Variants in SIDT2 observed in about 807,000 individuals in gnomAD.
SIDT2 encodes the protein SID1 transmembrane family member 2.
A neutral mutation model predicts 114.4 loss-of-function variants in SIDT2; 68 were observed. The ratio of observed to expected loss-of-function variants is 0.59; its 90% confidence interval spans 0.49 to 0.73. SIDT2 has a LOEUF of 0.73. SIDT2 is among the 30% of genes least tolerant of loss of function. SIDT2 has a pLI of 0.00. For synonymous variants in SIDT2, 470 were observed against 438.4 expected, an observed-to-expected ratio of 1.07 and a Z score of -0.90; for missense variants, 918 against 1,097.1, an observed-to-expected ratio of 0.84 and a Z score of 2.31.
Position 117,184,074 on chromosome 11 carries a change from A to G in SIDT2, c.803A>G (p.Asp268Gly). The G allele has an allele frequency of 6.2e-7, 1 of 1,614,160 alleles. No individual in the cohort carries two copies. ...TACCACTTTGACATTTTACTTCCAGATGAACCGGTCGATCAAGGGCACCGC... is the reference window on the plus strand; with the variant it reads ...TACCACTTTGACATTTTACTTCCAGGTGAACCGGTCGATCAAGGGCACCGC... Reference protein sequence around the residue: ...GSLPFYPFAEDEPVDQGHRQK... With the variant: ...GSLPFYPFAEGEPVDQGHRQK... The change falls in exon 8 of 26, where the codon GAT becomes GGT. Residue 268 changes from aspartate (D) to glycine (G), a missense_variant and splice_region_variant. Around this residue, in one of 4 missense-constraint regions of SIDT2, gnomAD observed 553 missense variants for 600.1 expected, o/e 0.92. Transcript: ENST00000324225.
rs2030292011 is a variant in SIDT2 at position 117,181,690 on chromosome 11, G to A, written c.306-117G>A. ...GCCGAGTCCCACCAGCCGGGAGCTT[G>A]TGCACCTCGCAGGGAGGTGGTGGAG... On this transcript the variant is annotated intron_variant, in intron 2 of 25. Coordinates refer to ENST00000324225, the MANE Select transcript of SIDT2 (RefSeq NM_001040455.2). 29 of 1,571,054 alleles carry A rather than the reference G, an allele frequency of 1.8e-5. 1 individual carries two copies. In the South Asian group the frequency reaches 3.1e-4, roughly 17 times the overall value.
In SIDT2 at chr11:117,188,560, G is replaced by A. The variant is rs2030583588; in HGVS notation, c.1160-148G>A. ...CACCTGATGTCTCCTCCCAGCTCCTGAGCCCACTTCCACCCCAACTCTGAG... is the reference window on the plus strand; with the variant it reads ...CACCTGATGTCTCCTCCCAGCTCCTAAGCCCACTTCCACCCCAACTCTGAG... On this transcript the variant is annotated intron_variant, in intron 12 of 25. Transcript: ENST00000324225. The surrounding 1 kb of genome is among the most constrained non-coding windows in gnomAD (Gnocchi z 4.0). The A allele has an allele frequency of 4.6e-6, 3 of 647,356 alleles. No homozygotes were observed. Among genetic ancestry groups the A allele is most frequent in the Non-Finnish European group, 8.5e-6 (3 of 353,230 alleles). The allele number at this position is 647,356 out of a possible 1,614,324, so 40.1% of individuals were successfully genotyped here.
intron 8 of SIDT2, among the ~76,000 whole-genome samples, chr11:117,185,265 G>A (rs1209574382): frequency 6.6e-6 from 1 of 151,292 alleles, no homozygotes; most frequent in African/African-American, 2.4e-5. Flanking sequence ...TAGCCAGGAT[G>A]GTCTCAATCT....
In SIDT2 at chr11:117,186,782, G is replaced by A. The variant is rs750232548; in HGVS notation, c.1015+146G>A. 16 of 942,734 alleles carry A rather than the reference G, an allele frequency of 1.7e-5. No individual in the cohort carries two copies. The African/African-American group carries it at 2.3e-4, about 14-fold the overall frequency. 58.4% of individuals were successfully genotyped at this position (942,734 alleles called of 1,614,324 possible). A position where few individuals can be genotyped will look rare whatever the true frequency, so the allele number is the denominator to read the frequency against. On this transcript the variant is annotated intron_variant, in intron 10 of 25. Coordinates refer to ENST00000324225, the MANE Select transcript of SIDT2 (RefSeq NM_001040455.2). ...GGGGTAACACTCCACAGATGGGAAT[G>A]AGGCTGGGATATGATGTCCATGCAT...
At position 117,187,690 on chromosome 11, in the gene SIDT2, G is replaced by T. The variant is rs750809541; in HGVS notation, c.1150G>T (p.Gly384Cys). The T allele has an allele frequency of 6.2e-7, 1 of 1,613,902 alleles. No individual in the cohort carries two copies. Among genetic ancestry groups the T allele is most frequent in the Admixed American group, 1.7e-5 (1 of 59,984 alleles). ...CGCTGGCACTGGGGACCTCTCTTAC[G>T]GTTACCAGGGTGAGTGGGCCAGGCT... ...DSAGTGDLSY[G>C]YQGRSFEPVG... Residue 384 changes from glycine (G) to cysteine (C), a missense_variant, in exon 12 of 26, where the codon GGT (glycine) becomes TGT (cysteine). Around this residue, in one of 4 missense-constraint regions of SIDT2, gnomAD observed 553 missense variants for 600.1 expected, o/e 0.92. Coordinates refer to ENST00000324225, the MANE Select transcript of SIDT2 (RefSeq NM_001040455.2).
chr11:117,180,683 C>T (rs1284905503), intron 1 of SIDT2, among the ~76,000 whole-genome samples: 6 of 151,938 alleles, frequency 3.9e-5, no homozygotes, highest in Non-Finnish European at 8.8e-5. Flanking sequence ...TTACAGGCGC[C>T]TGCCACCATA....
At chr11:117,180,994 T>C (rs1253650753) in intron 1 of SIDT2, among the ~76,000 whole-genome samples, 1 of 152,208 alleles carries the variant, frequency 6.6e-6, no homozygotes, top group Non-Finnish European at 1.5e-5. Flanking sequence ...AGCTTCCTGC[T>C]GGCTTCCTGG....
rs982032349 is a variant in SIDT2 at position 117,196,253 on chromosome 11, G to T, written c.*187G>T. Reference sequence around the variant, plus strand: ...TGGGGTGGCATGGAACCTTGCAGCTGCCCTCTGCCGAGGAGCAGGCCTGCT... The same window carrying T: ...TGGGGTGGCATGGAACCTTGCAGCTTCCCTCTGCCGAGGAGCAGGCCTGCT... On this transcript the variant is annotated 3_prime_UTR_variant, in exon 26 of 26. Coordinates refer to ENST00000324225, the MANE Select transcript of SIDT2 (RefSeq NM_001040455.2). The surrounding 1 kb of genome is among the most constrained non-coding windows in gnomAD (Gnocchi z 4.9). 4.1e-6 allele frequency: 3 copies of T among 731,892 alleles called. No individual in the cohort carries two copies. Among genetic ancestry groups the T allele is most frequent in the African/African-American group, 1.8e-5 (1 of 56,282 alleles). 45.3% of individuals were successfully genotyped at this position (731,892 alleles called of 1,614,324 possible). A position where few individuals can be genotyped will look rare whatever the true frequency, so the allele number is the denominator to read the frequency against.
chr11:117,182,336 G>T (rs1047919509), intron 4 of SIDT2, 183 bp from the exon 5 acceptor site: 10 of 709,622 alleles, frequency 1.4e-5, no homozygotes, highest in Admixed American at 2.6e-5. Flanking sequence ...CCCTGCTGAG[G>T]TTGAAGGGAA....
chr11:117,190,489 C>A lies in SIDT2; in HGVS notation c.1618-134C>A. On this transcript the variant is annotated intron_variant, in intron 17 of 25. Coordinates refer to ENST00000324225, the MANE Select transcript of SIDT2 (RefSeq NM_001040455.2). This position sits in a 1 kb window ranked among gnomAD's most constrained non-coding sequence, Gnocchi z 4.1. ...TTGCCAGCCTGCCCAGGCCAGCCCACCCCTGCACACCCACACTCGACACAT... is the reference window on the plus strand; with the variant it reads ...TTGCCAGCCTGCCCAGGCCAGCCCAACCCTGCACACCCACACTCGACACAT... The A allele has an allele frequency of 9.3e-7, 1 of 1,070,074 alleles. No homozygotes were observed. The highest frequency in any genetic ancestry group is 1.3e-6 in the Non-Finnish European group (1 of 746,798). The allele number at this position is 1,070,074 out of a possible 1,614,324, so 66.3% of individuals were successfully genotyped here.
rs907241005 is a variant in SIDT2 at position 117,178,828 on chromosome 11, A to T, written c.-436A>T. 1 of 174,552 alleles carries T rather than the reference A, an allele frequency of 5.7e-6. No individual in the cohort carries two copies. Among genetic ancestry groups the T allele is most frequent in the African/African-American group, 2.4e-5 (1 of 41,712 alleles). 10.8% of individuals were successfully genotyped at this position (174,552 alleles called of 1,614,324 possible). ...CTCGCAGCCCAGCACGGCGTCGGGT[A>T]GCTACCACCTATCACGCCCCTCACT... On this transcript the variant is annotated 5_prime_UTR_variant, in exon 1 of 26. Transcript: ENST00000324225.
At chr11:117,194,979 C>T (rs996016926) in intron 24 of SIDT2, among the ~76,000 whole-genome samples, 6 of 146,182 alleles carry the variant, frequency 4.1e-5, no homozygotes, top group African/African-American at 7.5e-5. Context: ...CCCAGCTACT[C>T]GGGAGGCAGA....
chr11:117,185,893 A>AAATAG lies in SIDT2; in HGVS notation c.869-235_869-234insTAGAA. 3 of 184,912 alleles carry AAATAG rather than the reference A, an allele frequency of 1.6e-5. 1 individual carries two copies. Among genetic ancestry groups the AAATAG allele is most frequent in the East Asian group, 9.8e-5 (1 of 10,218 alleles). The allele number at this position is 184,912 out of a possible 1,614,324, so 11.5% of individuals were successfully genotyped here. ...TCTCAAAAAAAAAAAAAAAAAAAAA[A>AAATAG]AAGTAGAAGAGAAAGTTCTAGCCCA... On this transcript the variant is annotated intron_variant, in intron 8 of 25. Coordinates refer to ENST00000324225, the MANE Select transcript of SIDT2 (RefSeq NM_001040455.2).
rs1172918401 is a variant in SIDT2, at chr11:117,179,255, G to C, written c.-9G>C. ...CCACCACCGCTGCCACTGCCGCCCTGCCGGGGCCATGTTCGCTCTGGGCTT... is the reference window on the plus strand; with the variant it reads ...CCACCACCGCTGCCACTGCCGCCCTCCCGGGGCCATGTTCGCTCTGGGCTT... On this transcript the variant is annotated 5_prime_UTR_variant, in exon 1 of 26. Transcript: ENST00000324225. 6.2e-7 allele frequency: 1 copy of C among 1,606,288 alleles called. No individual in the cohort carries two copies. The highest frequency in any genetic ancestry group is 8.5e-7 in the Non-Finnish European group (1 of 1,176,104).
chr11:117,181,396 A>T lies in SIDT2; in HGVS notation c.184-20A>T. 6.2e-7 allele frequency: 1 copy of T among 1,613,012 alleles called. No homozygotes were observed. Among genetic ancestry groups the T allele is most frequent in the Middle Eastern group, 1.7e-4 (1 of 6,060 alleles). ...CCCTGGTGGCAGAGGCTTGAGAGGC[A>T]TTTCCATGTCGTTCTGCAGACAGAG... On this transcript the variant is annotated intron_variant, in intron 1 of 25. Coordinates refer to ENST00000324225, the MANE Select transcript of SIDT2 (RefSeq NM_001040455.2).
At position 117,191,998 on chromosome 11, in the gene SIDT2, TCTC is replaced by T. The variant is rs757051622; in HGVS notation, c.1857_1859del (p.Ser620del). ...GCCTGCCTGGCCATTGTCATCTTCTTCTCTGTGCTGGGCGTGGTGAGGGCCTGA... is the reference window on the plus strand; with the variant it reads ...GCCTGCCTGGCCATTGTCATCTTCTTTGTGCTGGGCGTGGTGAGGGCCTGA... On this transcript the variant is annotated inframe_deletion, in exon 19 of 26. Coordinates refer to ENST00000324225, the MANE Select transcript of SIDT2 (RefSeq NM_001040455.2). The T allele has an allele frequency of 1.2e-6, 2 of 1,613,990 alleles. No homozygotes were observed. The highest frequency in any genetic ancestry group is 1.7e-5 in the Admixed American group (1 of 59,994).
At chr11:117,182,141 T>C in intron 4 of SIDT2, 36 bp downstream of exon 4, 1 of 1,610,770 alleles carries the variant, frequency 6.2e-7, no homozygotes, top group Middle Eastern at 2.0e-4. Flanking sequence ...AGAGGAGAAA[T>C]GGGGGAGCTT....
rs1262110786 is a variant in SIDT2 at position 117,188,715 on chromosome 11, C to A, written c.1167C>A (p.Ser389=). The A allele has an allele frequency of 6.2e-7, 1 of 1,614,030 alleles. No homozygotes were observed. The highest frequency in any genetic ancestry group is 2.2e-5 in the East Asian group (1 of 44,890). Residue 389 remains serine, a synonymous_variant, in exon 13 of 26, where the codon TCC becomes TCA. Coordinates refer to ENST00000324225, the MANE Select transcript of SIDT2 (RefSeq NM_001040455.2). The surrounding 1 kb of genome is among the most constrained non-coding windows in gnomAD (Gnocchi z 4.0). ...CCTCCCTGCCCTTTCCAGGCCGCTC[C>A]TTTGAACCTGTAGGTACTCGGCCCC... is the stretch of plus-strand genomic sequence containing the variant. ...GDLSYGYQGR[S]FEPVGTRPRV...
Position 117,192,244 on chromosome 11 carries a change from C to T in SIDT2, c.1873-10C>T. 3 of 1,578,876 alleles carry T rather than the reference C, an allele frequency of 1.9e-6. No homozygotes were observed. Among genetic ancestry groups the T allele is most frequent in the South Asian group, 1.1e-5 (1 of 90,328 alleles). ...CACCCTCACCGCTGCCCTTGGTGGC[C>T]TCCCGACAGGTCTTTGGCAAAGGGA... is the stretch of plus-strand genomic sequence containing the variant. On this transcript the variant is annotated splice_polypyrimidine_tract_variant and intron_variant, in intron 19 of 25. Transcript: ENST00000324225. This position sits in a 1 kb window ranked among gnomAD's most constrained non-coding sequence, Gnocchi z 5.9.
Sources: gnomAD v4.1 joint callset for allele counts (sites outside exome capture counted in the v4.1 genomes callset) on GRCh38, gnomAD v4.1.1 for gene constraint, gnomAD v4.1.1 regional missense constraint, Gnocchi (gnomAD v3.1) non-coding constraint, MANE v1.5 for transcripts, NCBI Gene and HGNC (gene_info 2026-07-23, HGNC 2026-07-21) for gene names.